Variants in PLXNB3 observed in about 807,000 individuals in gnomAD.
PLXNB3 encodes the protein plexin-B3.
In PLXNB3, 80 loss-of-function variants were observed where a neutral mutation model predicts 125.7. The ratio of observed to expected loss-of-function variants is 0.64; its 90% CI spans 0.53 to 0.77. The LOEUF is 0.77. Among genes scored for constraint, PLXNB3 ranks in the 30% least tolerant of loss-of-function variants. The pLI is 0.00. For synonymous variants in PLXNB3, 954 were observed against 783.3 expected (o/e 1.22, Z -3.64); for missense variants, 1,836 against 1,729.3 (o/e 1.06, Z -1.09).
chrX:153,772,948 C>G lies in PLXNB3; in HGVS notation c.2838C>G (p.Thr946=), dbSNP rs782295174. 1 of 1,194,614 alleles carries G rather than the reference C, an allele frequency of 8.4e-7. No individual in the cohort carries two copies. Among genetic ancestry groups the G allele is most frequent in the African/African-American group, 1.7e-5 (1 of 57,302 alleles). ...CCCAGGCAGGGGGCACCCAGCTCAC[C>G]ATCCGAGGTCAGCACCTCCAGACAG... ...WGPQAGGTQL[T]IRGQHLQTGG... Residue 946 remains threonine (T), a synonymous_variant, in exon 17 of 36, where the codon ACC becomes ACG. Coordinates refer to ENST00000361971, the MANE Select transcript of PLXNB3 (RefSeq NM_005393.3).
In PLXNB3 at chrX:153,765,476, T is replaced by C; in HGVS notation, c.-60T>C. 1 of 1,145,773 alleles carries C rather than the reference T, an allele frequency of 8.7e-7. No individual in the cohort carries two copies. Among genetic ancestry groups the C allele is most frequent in the Non-Finnish European group, 1.2e-6 (1 of 854,045 alleles). The allele number at this position is 1,145,773 out of a possible 1,213,427, so 94.4% of individuals were successfully genotyped here. On this transcript the variant is annotated 5_prime_UTR_variant, in exon 2 of 36. It removes an upstream start codon present in the reference 5' UTR. Coordinates refer to ENST00000361971, the MANE Select transcript of PLXNB3 (RefSeq NM_005393.3). The stretch of plus-strand genomic sequence containing the variant: ...ACTGTCTCCCTCCCACTCAGGACAA[T>C]GCCCCCCCGCAGCCATCTCATGCCC...
chrX:153,778,217 C>T (rs782764740), intron 32 of PLXNB3, 44 bp from the exon 33 acceptor site: 2 of 1,196,935 alleles, frequency 1.7e-6, no homozygotes, highest in Non-Finnish European at 2.3e-6. Flanking sequence ...GGGGCACCTT[C>T]ACCTCCGAGC....
intron 35 of PLXNB3, 59 bp from the exon 36 acceptor site, chrX:153,778,876 G>A: frequency 1.8e-6 from 2 of 1,112,512 alleles, no homozygotes; most frequent in Non-Finnish European, 2.4e-6. Flanking sequence ...AGGGTGGGTG[G>A]CCCTGGGCCA....
rs12837073 is a variant in PLXNB3 at position 153,768,608 on chromosome X, C to G, written c.1266+180C>G. ...CCCGGCCTTCACCAGCTGGTGGTGG[C>G]TCACGGTGAAGGTGGCTGGGGTGGC... On this transcript the variant is annotated intron_variant, in intron 4 of 35. Coordinates refer to ENST00000361971, the MANE Select transcript of PLXNB3 (RefSeq NM_005393.3). 0.051 allele frequency among the ~76,000 whole-genome samples: 5,749 copies of G among 112,818 alleles called. 166 individuals carry two copies. The highest frequency in any genetic ancestry group is 0.084 in the Non-Finnish European group (4,489 of 53,189).
In PLXNB3 at chrX:153,767,461, C is replaced by G. The variant is rs150396453; in HGVS notation, c.634C>G (p.Gln212Glu). The G allele has an allele frequency of 3.3e-6, 4 of 1,194,034 alleles. No homozygotes were observed. The African/African-American group carries it at 7.0e-5, about 21-fold the overall frequency. The change falls in exon 3 of 36, where the codon CAG (glutamine) becomes GAG (glutamate). Residue 212 changes from glutamine (Q) to glutamate (E), a missense_variant. By Grantham distance (29) the Gln-to-Glu change is conservative (BLOSUM62 2). Coordinates refer to ENST00000361971, the MANE Select transcript of PLXNB3 (RefSeq NM_005393.3). ...PLAIRQLAGS[Q>E]PFSSEGLGRL... ...GGCCATCCGCCAGCTGGCCGGGTCTCAGCCCTTCTCCAGCGAGGGCCTGGG... is the reference window on the plus strand; with the variant it reads ...GGCCATCCGCCAGCTGGCCGGGTCTGAGCCCTTCTCCAGCGAGGGCCTGGG...
chrX:153,766,643 C>G, intron 2 of PLXNB3: 1 of 753,519 alleles, frequency 1.3e-6, no homozygotes, highest in Non-Finnish European at 1.6e-6. Context: ...GCACCCCTCC[C>G]TGCCTCTTGC....
Position 153,776,220 on chromosome X carries a change from A to C in PLXNB3, c.4729+6A>C, listed in dbSNP as rs2091983514. Reference sequence around the variant, plus strand: ...AGTGCATGCCCTAGACCTTGGTGAGAGAGCCAGCCCTGCCCACCCACCCCA... The same window carrying C: ...AGTGCATGCCCTAGACCTTGGTGAGCGAGCCAGCCCTGCCCACCCACCCCA... On this transcript the variant is annotated splice_donor_region_variant and intron_variant, in intron 27 of 35. Transcript: ENST00000361971. 5.2e-6 allele frequency: 6 copies of C among 1,161,531 alleles called. No individual in the cohort carries two copies. The East Asian group carries it at 1.2e-4, about 24-fold the overall frequency.
chrX:153,767,878 T>G lies in PLXNB3; in HGVS notation c.1051T>G (p.Tyr351Asp). Residue 351 changes from tyrosine to aspartate, a missense_variant, in exon 3 of 36, where the codon TAC becomes GAC. By Grantham distance (160) the Tyr-to-Asp change is radical (BLOSUM62 -3). Transcript: ENST00000361971. ...CGGCGCAGAGGAAGCCACCGTGGAG[T>G]ACGGCGTCACGTCGCGCTGCGTCAC... The part of the protein sequence containing the change: ...PSGAEEATVE[Y>D]GVTSRCVTLP... The G allele has an allele frequency of 1.8e-6, 2 of 1,110,185 alleles. No homozygotes were observed. Among genetic ancestry groups the G allele is most frequent in the Non-Finnish European group, 2.4e-6 (2 of 847,758 alleles). 91.5% of individuals were successfully genotyped at this position (1,110,185 alleles called of 1,213,427 possible).
chrX:153,767,549 C>G lies in PLXNB3; in HGVS notation c.722C>G (p.Ala241Gly), dbSNP rs370988850. The G allele has an allele frequency of 8.5e-7, 1 of 1,173,726 alleles. No homozygotes were observed. The highest frequency in any genetic ancestry group is 1.1e-6 in the Non-Finnish European group (1 of 876,708). ...NNSYVGAFADARSAYFVFRRR... is the reference protein window; with the variant it reads ...NNSYVGAFADGRSAYFVFRRR... ...AGCTACGTCGGGGCCTTTGCCGACG[C>G]CCGCTCCGCCTACTTCGTGTTCCGC... Residue 241 changes from alanine to glycine, a missense_variant, in exon 3 of 36, where the codon GCC becomes GGC. Coordinates refer to ENST00000361971, the MANE Select transcript of PLXNB3 (RefSeq NM_005393.3).
chrX:153,776,324 T>A, intron 27 of PLXNB3, 32 bp from the exon 28 acceptor site: 1 of 1,102,761 alleles, frequency 9.1e-7, no homozygotes, highest in Middle Eastern at 2.4e-4. Flanking sequence ...GAGAGCAGGC[T>A]GTAGACTATC....
rs981321382 is a variant in PLXNB3 at position 153,769,460 on chromosome X, C to T, written c.1496+198C>T. ...GGCACCCCCCTTTTCCGACACCACCCGGCCTGTGGACTCCTCATCCCAGCA... is the reference window on the plus strand; with the variant it reads ...GGCACCCCCCTTTTCCGACACCACCTGGCCTGTGGACTCCTCATCCCAGCA... On this transcript the variant is annotated intron_variant, in intron 6 of 35. Transcript: ENST00000361971. 9.8e-5 allele frequency among the ~76,000 whole-genome samples: 11 copies of T among 112,356 alleles called. No homozygotes were observed. In the South Asian group the frequency reaches 1.1e-3, roughly 11 times the overall value.
intron 18 of PLXNB3, 33 bp from the exon 19 acceptor site, chrX:153,773,485 G>A (rs782175743): frequency 1.2e-4 from 137 of 1,181,845 alleles, no homozygotes; most frequent in Non-Finnish European, 1.4e-4. Context: ...GTTGCCCACC[G>A]CCCGCCCACA....
Position 153,772,869 on chromosome X carries a change from C to G in PLXNB3, c.2776-17C>G. The G allele has an allele frequency of 9.0e-7, 1 of 1,109,301 alleles. No homozygotes were observed. The highest frequency in any genetic ancestry group is 3.3e-5 in the East Asian group (1 of 30,247). The allele number at this position is 1,109,301 out of a possible 1,213,427, so 91.4% of individuals were successfully genotyped here. On this transcript the variant is annotated splice_polypyrimidine_tract_variant and intron_variant, in intron 16 of 35. Coordinates refer to ENST00000361971, the MANE Select transcript of PLXNB3 (RefSeq NM_005393.3). ...AGGCTGGGCTGCCGTGCCTACCCAG[C>G]CTGCGCTGTTCGCCAGGACCCTGTC... is the stretch of plus-strand genomic sequence containing the variant.
In PLXNB3 at chrX:153,770,332, TC is replaced by T. The variant is rs1178264566; in HGVS notation, c.1787-3del. On this transcript the variant is annotated splice_polypyrimidine_tract_variant and splice_region_variant and intron_variant, in intron 8 of 35. Coordinates refer to ENST00000361971, the MANE Select transcript of PLXNB3 (RefSeq NM_005393.3). ...GACCTGTCCTGCCCCCACTGTCCCC[TC>T]CCAGACCACGTCACTGTGCCCCTGG... 1.7e-6 allele frequency: 2 copies of T among 1,207,194 alleles called. No homozygotes were observed. The highest frequency in any genetic ancestry group is 2.2e-6 in the Non-Finnish European group (2 of 892,287).
chrX:153,768,569 A>C, intron 4 of PLXNB3, 141 bp downstream of exon 4: 1 of 565,534 alleles, frequency 1.8e-6, no homozygotes, highest in Non-Finnish European at 2.8e-6. Context: ...CTGGCTGAGC[A>C]CTGCCCCCTG....
intron 2 of PLXNB3, 44 bp from the exon 3 acceptor site, chrX:153,766,829 A>G: frequency 1.8e-6 from 2 of 1,133,178 alleles, no homozygotes; most frequent in Middle Eastern, 2.5e-4. Flanking sequence ...CTGGTCCTCT[A>G]TCTGCCTTGC....
chrX:153,768,885 G>A (rs935483191), intron 4 of PLXNB3, 63 bp from the exon 5 acceptor site: 19 of 1,155,408 alleles, frequency 1.6e-5, no homozygotes, highest in South Asian at 6.0e-5. Flanking sequence ...GGAGGAGGGC[G>A]TGTCCCTGGA....
At chrX:153,765,353 A>C (rs1557058767) in intron 1 of PLXNB3, 118 bp from the exon 2 acceptor site, 2 of 514,568 alleles carry the variant, frequency 3.9e-6, no homozygotes, top group African/African-American at 4.7e-5. Flanking sequence ...CTATTGACAA[A>C]GCTGCCAGCT....
At chrX:153,765,713 G>A (rs1287723471) in intron 2 of PLXNB3, 133 bp downstream of exon 2, 2 of 1,139,678 alleles carry the variant, frequency 1.8e-6, no homozygotes, top group African/African-American at 1.8e-5. Flanking sequence ...ATAGCCCGGG[G>A]TCCGCAGGAA....
Sources: gnomAD v4.1 joint callset for allele counts (sites outside exome capture counted in the v4.1 genomes callset) on GRCh38, gnomAD v4.1.1 for gene constraint, MANE v1.5 for transcripts, NCBI Gene and HGNC (gene_info 2026-07-23, HGNC 2026-07-21) for gene names.